Variants in MFSD11 observed in about 807,000 individuals in gnomAD.
MFSD11 encodes major facilitator superfamily domain containing 11.
Under a neutral mutation model 53.5 loss-of-function variants are expected in MFSD11, and 36 were observed. The observed-to-expected ratio is 0.67, with a 90% CI of 0.52 to 0.89. The LOEUF (loss-of-function observed/expected upper bound fraction) is 0.89, where lower values mean the gene tolerates loss of function less well. MFSD11 is among the 40% of genes least tolerant of loss of function. The probability of loss-of-function intolerance (pLI) is 0.00; values close to 1 mark genes in which losing one functional copy is unlikely to be tolerated. For synonymous variants in MFSD11, 186 were observed against 184.9 expected (o/e 1.01, Z -0.05); for missense variants, 530 against 543.9 (o/e 0.97, Z 0.25).
Position 76,775,003 on chromosome 17 carries a change from G to A in MFSD11, c.881G>A (p.Ser294Asn). The change falls in exon 11 of 13, where the codon AGC becomes AAC. Residue 294 changes from serine to asparagine, a missense_variant. Transcript: ENST00000685175. ...FIGIGEILGGSLFGLLSKNNR... is the reference protein window; with the variant it reads ...FIGIGEILGGNLFGLLSKNNR... ...CTGCCATCTTGACTTATAGGTGGAA[G>A]CCTCTTCGGCCTGCTGAGCAAGAAC... 5 of 1,613,462 alleles carry A rather than the reference G, an allele frequency of 3.1e-6. No individual in the cohort carries two copies. The South Asian group carries it at 4.4e-5, about 14-fold the overall frequency.
the MFSD11 span, among the ~76,000 whole-genome samples, chr17:76,791,123 C>T: frequency 1.3e-5 from 2 of 148,288 alleles, no homozygotes; most frequent in African/African-American, 5.0e-5. Flanking sequence ...TGGACACCTC[C>T]CTGCAGCATT....
intron 7 of MFSD11, among the ~76,000 whole-genome samples, chr17:76,751,742 A>G (rs2079070375): frequency 6.6e-6 from 1 of 151,970 alleles, no homozygotes; most frequent in South Asian, 2.1e-4. Context: ...AAAATTAAGG[A>G]AAAAATATTT....
downstream of MFSD11, among the ~76,000 whole-genome samples, chr17:76,785,924 C>T (rs1173249920): frequency 2.6e-5 from 4 of 151,508 alleles, no homozygotes; most frequent in African/African-American, 9.7e-5. Flanking sequence ...CTTAAAAATA[C>T]AAAAATTAGC....
chr17:76,795,482 C>A, the MFSD11 span, among the ~76,000 whole-genome samples: 2 of 151,638 alleles, frequency 1.3e-5, no homozygotes, highest in Non-Finnish European at 2.9e-5. Context: ...GAACGAGACT[C>A]CATCTCCCAA....
chr17:76,744,400 A>G lies in MFSD11; in HGVS notation c.575A>G (p.Lys192Arg). The G allele has an allele frequency of 6.2e-7, 1 of 1,614,152 alleles. No individual in the cohort carries two copies. The highest frequency in any genetic ancestry group is 8.5e-7 in the Non-Finnish European group (1 of 1,180,000). The change falls in exon 7 of 13, where the codon AAA becomes AGA. Residue 192 changes from lysine to arginine, a missense_variant. Transcript: ENST00000685175. ...VGTVLFFLIR[K>R]PDSENVLGED... ...ACAGTTCTATTCTTTCTCATTCGGA[A>G]ACCAGATTCTGAAAATGTCCTAGGA... is the stretch of plus-strand genomic sequence containing the variant.
Position 76,738,209 on chromosome 17 carries a change from C to T in MFSD11, c.-144C>T, listed in dbSNP as rs2077683473. 1.6e-6 allele frequency: 1 copy of T among 626,610 alleles called. No individual in the cohort carries two copies. The highest frequency in any genetic ancestry group is 2.8e-6 in the Non-Finnish European group (1 of 352,962). 38.8% of individuals were successfully genotyped at this position (626,610 alleles called of 1,614,324 possible). A position where few individuals can be genotyped will look rare whatever the true frequency, so the allele number is the denominator to read the frequency against. ...TAAACCTGGGGTTCCGATCCAGGAA[C>T]TGGAAGTTGACAGCTTGGCTGCCTG... On this transcript the variant is annotated 5_prime_UTR_variant, in exon 1 of 13. Coordinates refer to ENST00000685175, the MANE Select transcript of MFSD11 (RefSeq NM_001242532.5).
rs997286105 is a variant in MFSD11, at chr17:76,742,258, C to T, written c.422C>T (p.Ala141Val). 6.2e-7 allele frequency: 1 copy of T among 1,613,644 alleles called. No homozygotes were observed. The highest frequency in any genetic ancestry group is 8.5e-7 in the Non-Finnish European group (1 of 1,179,574). ...SIGRNSGIFWALLQSSLFFGN... is the reference protein window; with the variant it reads ...SIGRNSGIFWVLLQSSLFFGN... ...GGGAGAAACAGTGGGATTTTCTGGG[C>T]ACTTCTGCAGTCTAGGTAATTATCC... Residue 141 changes from alanine to valine, a missense_variant, in exon 5 of 13, where the codon GCA becomes GTA. Ala to Val is a moderately conservative substitution (Grantham distance 64). Coordinates refer to ENST00000685175, the MANE Select transcript of MFSD11 (RefSeq NM_001242532.5).
intron 8 of MFSD11, among the ~76,000 whole-genome samples, chr17:76,763,449 A>T (rs756089502): frequency 6.6e-6 from 1 of 151,930 alleles, no homozygotes; most frequent in Non-Finnish European, 1.5e-5. Context: ...TTTTTTGTAG[A>T]GATGGGATTT....
intron 7 of MFSD11, among the ~76,000 whole-genome samples, chr17:76,750,206 A>G (rs2078934051): frequency 1.3e-5 from 2 of 152,106 alleles, no homozygotes; most frequent in African/African-American, 4.8e-5. Context: ...AGGGTAAAAT[A>G]TTGGAATCCT....
the MFSD11 span, among the ~76,000 whole-genome samples, chr17:76,797,410 C>T: frequency 2.0e-5 from 3 of 152,112 alleles, no homozygotes; most frequent in Non-Finnish European, 4.4e-5. Context: ...ATTGCCACGG[C>T]ATTTGTAAAC....
chr17:76,798,185 G>C, the MFSD11 span, among the ~76,000 whole-genome samples: 1 of 152,038 alleles, frequency 6.6e-6, no homozygotes, highest in Admixed American at 6.6e-5. Context: ...ACCATGCCTG[G>C]CCCAGGAAAA....
At chr17:76,737,008 G>C (rs774394478), upstream of MFSD11, 1 of 1,613,486 alleles carries the variant, frequency 6.2e-7, no homozygotes. Flanking sequence ...GGGACTCCTT[G>C]GTGTAGCGGT....
intron 7 of MFSD11, 81 bp from the exon 8 acceptor site, chr17:76,753,966 A>T (rs1229036005): frequency 1.6e-6 from 2 of 1,217,972 alleles, no homozygotes; most frequent in Non-Finnish European, 2.3e-6. Flanking sequence ...GTTTTTACGA[A>T]CGTAAATGAA....
At chr17:76,792,554 G>A in the MFSD11 span, among the ~76,000 whole-genome samples, 3 of 150,770 alleles carry the variant, frequency 2.0e-5, no homozygotes, top group African/African-American at 7.4e-5. Context: ...GAGAGATCAA[G>A]TAACATATCC....
chr17:76,748,965 A>G (rs946647451), intron 7 of MFSD11, among the ~76,000 whole-genome samples: 2 of 151,814 alleles, frequency 1.3e-5, no homozygotes, highest in African/African-American at 4.8e-5. Flanking sequence ...TGATATTCCA[A>G]GCATTGTGCT....
chr17:76,788,291 C>T, the MFSD11 span, among the ~76,000 whole-genome samples: 548 of 149,452 alleles, frequency 3.7e-3, 21 homozygotes, highest in African/African-American at 0.013. Context: ...ATCCAACCAC[C>T]TCAGCCTCCC....
chr17:76,793,894 G>A, the MFSD11 span, among the ~76,000 whole-genome samples: 80 of 151,346 alleles, frequency 5.3e-4, no homozygotes, highest in Middle Eastern at 3.4e-3. Context: ...GATGCATTGG[G>A]ACAAAGATTC....
the MFSD11 span, among the ~76,000 whole-genome samples, chr17:76,788,022 G>GTTTT: frequency 2.1e-5 from 3 of 144,142 alleles, no homozygotes; most frequent in African/African-American, 7.7e-5. Context: ...TTTGTTTGTG[G>GTTTT]TTTTTTTTTT....
At chr17:76,747,860 A>T (rs1422973069) in intron 7 of MFSD11, 3 of 152,180 alleles carry the variant, frequency 2.0e-5, no homozygotes, top group Non-Finnish European at 2.9e-5. Context: ...AATACTGCTC[A>T]GCCTTTGTAG....
Sources: allele counts gnomAD v4.1 joint callset (sites outside exome capture counted in the v4.1 genomes callset), GRCh38; gene constraint gnomAD v4.1.1; transcripts MANE v1.5; gene names NCBI Gene and HGNC (gene_info 2026-07-23, HGNC 2026-07-21).